Variants in PRDM11 observed in about 807,000 individuals in gnomAD.
The protein encoded by PRDM11 is PR/SET domain 11.
In PRDM11, 20 loss-of-function variants were observed where a neutral mutation model predicts 97.8. That is an observed-to-expected ratio of 0.20 (90% CI 0.14 to 0.30). PRDM11 has a LOEUF of 0.30. Among genes scored for constraint, PRDM11 ranks in the 10% least tolerant of loss-of-function variants. The pLI is 1.00. For synonymous variants in PRDM11, 599 were observed against 637.7 expected (o/e 0.94, Z 0.91); for missense variants, 1,139 against 1,555.2 (o/e 0.73, Z 4.50).
intron 1 of PRDM11, among the ~76,000 whole-genome samples, chr11:45,153,026 TAGTAATTG>T (rs1565268708): frequency 6.6e-6 from 1 of 152,056 alleles, no homozygotes; most frequent in African/African-American, 2.4e-5. Flanking sequence ...GAGGCTTTCG[TAGTAATTG>T]AGGTAGGAGA....
At chr11:45,125,898 T>C (rs940345616) in intron 1 of PRDM11, among the ~76,000 whole-genome samples, 12 of 152,206 alleles carry the variant, frequency 7.9e-5, no homozygotes, top group Non-Finnish European at 1.8e-4. Context: ...GTATCCTTGT[T>C]AACTTTCTGT....
chr11:45,104,953 C>T (rs904836728), intron 1 of PRDM11, among the ~76,000 whole-genome samples: 6 of 152,302 alleles, frequency 3.9e-5, no homozygotes, highest in Admixed American at 2.0e-4. Flanking sequence ...ATTCCCATCA[C>T]GGGGCCAGTG....
At position 45,132,416 on chromosome 11, in the gene PRDM11, GATTT is replaced by G. The variant is rs1358304636; in HGVS notation, c.96+36520_96+36523del. On this transcript the variant is annotated intron_variant, in intron 1 of 6. Transcript: ENST00000530656. ...ACCTCTGGGTAGTAAAACTGTGGTTGATTTATTTTAGTGTTTTGCTCATGGTTTT... is the reference window on the plus strand; with the variant it reads ...ACCTCTGGGTAGTAAAACTGTGGTTGATTTTAGTGTTTTGCTCATGGTTTT... Among the ~76,000 whole-genome samples the G allele has an allele frequency of 4.6e-5, 7 of 152,256 alleles. No individual in the cohort carries two copies. In the East Asian group the frequency reaches 1.2e-3, roughly 25 times the overall value.
intron 4 of PRDM11, 133 bp downstream of exon 4, chr11:45,183,256 T>C (rs1852582576): frequency 8.0e-7 from 1 of 1,251,088 alleles, no homozygotes. Context: ...CGATGATGGA[T>C]CTTGCTGTCC....
At chr11:45,205,963 G>A (rs1435230751) in intron 5 of PRDM11, among the ~76,000 whole-genome samples, 1 of 152,162 alleles carries the variant, frequency 6.6e-6, no homozygotes, top group Non-Finnish European at 1.5e-5. Context: ...CCCCTGCCTT[G>A]CAGTGTGGAG....
At chr11:45,158,808 C>G (rs1245630918) in intron 1 of PRDM11, among the ~76,000 whole-genome samples, 2 of 152,056 alleles carry the variant, frequency 1.3e-5, no homozygotes, top group Admixed American at 6.5e-5. Flanking sequence ...CCCCCCTTCT[C>G]TAAGGACAGA....
chr11:45,100,026 C>G (rs1399724089), intron 1 of PRDM11, among the ~76,000 whole-genome samples: 1 of 152,156 alleles, frequency 6.6e-6, no homozygotes, highest in Non-Finnish European at 1.5e-5. Context: ...GGGATGCTAG[C>G]TAATGTCGGG....
chr11:45,165,051 G>A (rs899048924), intron 1 of PRDM11, among the ~76,000 whole-genome samples: 4 of 152,132 alleles, frequency 2.6e-5, no homozygotes, highest in South Asian at 2.1e-4. Context: ...GGCAGGGGGC[G>A]GGGGTAACGA....
At chr11:45,179,887 G>T (rs879689017) in intron 1 of PRDM11, among the ~76,000 whole-genome samples, 2 of 152,226 alleles carry the variant, frequency 1.3e-5, no homozygotes, top group Non-Finnish European at 2.9e-5. Context: ...GATGTATGGT[G>T]GGGGGTACTG....
chr11:45,125,983 T>C (rs1397018336), intron 1 of PRDM11, among the ~76,000 whole-genome samples: 1 of 152,208 alleles, frequency 6.6e-6, no homozygotes, highest in Non-Finnish European at 1.5e-5. Flanking sequence ...CTAAGTCTCT[T>C]TGTAGTTCAC....
Position 45,185,060 on chromosome 11 carries a change from A to G in PRDM11, c.486+1937A>G, listed in dbSNP as rs1019285631. Among the ~76,000 whole-genome samples, 9 of 152,172 alleles carry G rather than the reference A, an allele frequency of 5.9e-5. No homozygotes were observed. In the East Asian group the frequency reaches 7.7e-4, roughly 13 times the overall value. Reference sequence around the variant, plus strand: ...GAGAAGAGAGGTTCTCCAGGCCACAATGTCTGTCAGTGCCAAGTGCTGCTG... The same window carrying G: ...GAGAAGAGAGGTTCTCCAGGCCACAGTGTCTGTCAGTGCCAAGTGCTGCTG... On this transcript the variant is annotated intron_variant, in intron 4 of 7. Coordinates refer to ENST00000683152, the MANE Select transcript of PRDM11 (RefSeq NM_001384648.1).
chr11:45,211,834 C>T (rs1195627699), intron 5 of PRDM11, among the ~76,000 whole-genome samples: 2 of 152,186 alleles, frequency 1.3e-5, no homozygotes, highest in African/African-American at 2.4e-5. Flanking sequence ...CACAAGTCAC[C>T]ACTGAAGAAC....
intron 1 of PRDM11, among the ~76,000 whole-genome samples, chr11:45,126,944 T>C (rs1364196189): frequency 6.6e-6 from 1 of 152,236 alleles, no homozygotes; most frequent in Admixed American, 6.5e-5. Flanking sequence ...TCCAACTTGG[T>C]TCCATTCTCC....
At chr11:45,186,101 T>C (rs993735378) in intron 4 of PRDM11, among the ~76,000 whole-genome samples, 4 of 152,208 alleles carry the variant, frequency 2.6e-5, no homozygotes, top group African/African-American at 9.6e-5. Flanking sequence ...ACCTTGATTG[T>C]AGGACTTCTG....
At chr11:45,139,499 G>A (rs931033946) in intron 1 of PRDM11, among the ~76,000 whole-genome samples, 3 of 150,610 alleles carry the variant, frequency 2.0e-5, no homozygotes, top group South Asian at 4.2e-4. Flanking sequence ...CCCAGGAGGC[G>A]GAGGTTGCAG....
intron 1 of PRDM11, among the ~76,000 whole-genome samples, chr11:45,171,293 T>G (rs2135718508): frequency 1.3e-5 from 2 of 152,098 alleles, no homozygotes; most frequent in South Asian, 4.2e-4. Context: ...AGAAACAGGG[T>G]TTTGCCATGT....
intron 1 of PRDM11, among the ~76,000 whole-genome samples, chr11:45,103,555 A>AACTT (rs1852014556): frequency 6.6e-6 from 1 of 151,828 alleles, no homozygotes. Context: ...AAATAACCCA[A>AACTT]ACTTAAGTGT....
intron 1 of PRDM11, among the ~76,000 whole-genome samples, chr11:45,155,767 G>C (rs536521878): frequency 6.6e-6 from 1 of 152,010 alleles, no homozygotes; most frequent in African/African-American, 2.4e-5. Flanking sequence ...CTTGACCCCA[G>C]AGAGGAGATA....
chr11:45,129,027 A>G (rs1267186463), intron 1 of PRDM11, among the ~76,000 whole-genome samples: 1 of 152,204 alleles, frequency 6.6e-6, no homozygotes, highest in Non-Finnish European at 1.5e-5. Context: ...TTTTAATGTA[A>G]TTCACCACAT....
Sources: gnomAD v4.1 joint callset for allele counts (sites outside exome capture counted in the v4.1 genomes callset) on GRCh38, gnomAD v4.1.1 for gene constraint, MANE v1.5 for transcripts, NCBI Gene and HGNC (gene_info 2026-07-23, HGNC 2026-07-21) for gene names.